The following PABPC4L variants were observed in gnomAD, a reference collection of about 807,000 sequenced individuals.
PABPC4L encodes the protein poly(A) binding protein cytoplasmic 4 like.
For missense variants in PABPC4L, 452 were observed against 451.4 expected, an observed-to-expected ratio of 1.00 and a Z score of -0.01; for synonymous variants, 169 against 164.1, an observed-to-expected ratio of 1.03 and a Z score of -0.23.
the PABPC4L span, among the ~76,000 whole-genome samples, chr4:134,106,700 A>C: frequency 6.6e-6 from 1 of 151,580 alleles, no homozygotes; most frequent in Non-Finnish European, 1.5e-5. Context: ...GAGAAAGTAC[A>C]TTATGGAAGA....
At chr4:134,130,824 A>C in the PABPC4L span, among the ~76,000 whole-genome samples, 1 of 152,164 alleles carries the variant, frequency 6.6e-6, no homozygotes, top group East Asian at 1.9e-4. Flanking sequence ...CCAACAGCAT[A>C]TCAAAAAGAT....
the PABPC4L span, among the ~76,000 whole-genome samples, chr4:134,028,243 A>T: frequency 6.6e-6 from 1 of 152,080 alleles, no homozygotes; most frequent in African/African-American, 2.4e-5. Context: ...TTCTTTCTTA[A>T]TGAAATCTTT....
chr4:134,019,443 T>G, the PABPC4L span, among the ~76,000 whole-genome samples: 1 of 152,300 alleles, frequency 6.6e-6, no homozygotes, highest in South Asian at 2.1e-4. Context: ...AGCAGGAAAC[T>G]GATTTCCATC....
At chr4:134,044,245 T>A in the PABPC4L span, among the ~76,000 whole-genome samples, 1 of 151,972 alleles carries the variant, frequency 6.6e-6, no homozygotes, top group South Asian at 2.1e-4. Context: ...AATGAGAATT[T>A]AATATATTTT....
chr4:134,026,798 G>T, the PABPC4L span, among the ~76,000 whole-genome samples: 1 of 152,170 alleles, frequency 6.6e-6, no homozygotes, highest in Non-Finnish European at 1.5e-5. Flanking sequence ...CAAACATACA[G>T]GGAAATTTTC....
At chr4:134,188,417 G>T in the PABPC4L span, among the ~76,000 whole-genome samples, 179 of 152,124 alleles carry the variant, frequency 1.2e-3, no homozygotes, top group Non-Finnish European at 2.3e-3. Context: ...TCTTTATGTA[G>T]ATGTTAATTA....
chr4:134,001,129 C>G, the PABPC4L span, among the ~76,000 whole-genome samples: 1 of 149,542 alleles, frequency 6.7e-6, no homozygotes, highest in Non-Finnish European at 1.5e-5. Flanking sequence ...TATTCAAACT[C>G]AAGCAATCTC....
chr4:134,107,966 T>C, the PABPC4L span, among the ~76,000 whole-genome samples: 1 of 151,578 alleles, frequency 6.6e-6, no homozygotes, highest in African/African-American at 2.4e-5. Context: ...AGATATGACA[T>C]GGAAATTGAT....
the PABPC4L span, among the ~76,000 whole-genome samples, chr4:134,096,686 ACATTT>A: frequency 6.6e-6 from 1 of 151,976 alleles, no homozygotes; most frequent in Non-Finnish European, 1.5e-5. Context: ...CTTTTGGTAA[ACATTT>A]CAAACATTCT....
At chr4:134,146,625 G>A in the PABPC4L span, among the ~76,000 whole-genome samples, 1 of 152,188 alleles carries the variant, frequency 6.6e-6, no homozygotes, top group Middle Eastern at 3.4e-3. Context: ...CATGGACACT[G>A]AGGAGTGAGT....
the PABPC4L span, among the ~76,000 whole-genome samples, chr4:133,996,013 A>G: frequency 8.5e-5 from 13 of 152,292 alleles, no homozygotes; most frequent in African/African-American, 2.6e-4. Flanking sequence ...TTGATCTTGT[A>G]TTACCAGGCA....
At chr4:133,987,527 A>G in the PABPC4L span, among the ~76,000 whole-genome samples, 1 of 152,190 alleles carries the variant, frequency 6.6e-6, no homozygotes, top group South Asian at 2.1e-4. Context: ...CTCTGAAATG[A>G]ATAAAATATA....
chr4:134,149,272 T>C, the PABPC4L span, among the ~76,000 whole-genome samples: 1 of 152,138 alleles, frequency 6.6e-6, no homozygotes, highest in African/African-American at 2.4e-5. Flanking sequence ...AGAAGACTTT[T>C]TAATTCAAGA....
chr4:134,087,251 T>C, the PABPC4L span, among the ~76,000 whole-genome samples: 1 of 151,984 alleles, frequency 6.6e-6, no homozygotes, highest in Non-Finnish European at 1.5e-5. Context: ...TATGCAGCCA[T>C]AAAAAATGAT....
At chr4:134,190,777 C>A in the PABPC4L span, among the ~76,000 whole-genome samples, 1 of 151,966 alleles carries the variant, frequency 6.6e-6, no homozygotes, top group African/African-American at 2.4e-5. Context: ...TCAGCCTCCC[C>A]AGTAGCTGCA....
At chr4:134,189,574 T>C in the PABPC4L span, among the ~76,000 whole-genome samples, 3 of 152,056 alleles carry the variant, frequency 2.0e-5, no homozygotes, top group African/African-American at 7.2e-5. Flanking sequence ...ATAATGTGTG[T>C]GTGTGTGTAT....
chr4:134,166,191 A>G, the PABPC4L span, among the ~76,000 whole-genome samples: 8 of 152,160 alleles, frequency 5.3e-5, no homozygotes, highest in African/African-American at 1.9e-4. Flanking sequence ...TACACTACTC[A>G]GGTGATGGCT....
chr4:134,124,403 C>T, the PABPC4L span, among the ~76,000 whole-genome samples: 3 of 152,086 alleles, frequency 2.0e-5, no homozygotes, highest in Non-Finnish European at 4.4e-5. Context: ...GCTGGGTCCC[C>T]AAAAGTTTAC....
the PABPC4L span, among the ~76,000 whole-genome samples, chr4:134,071,069 C>A: frequency 6.6e-6 from 1 of 152,166 alleles, no homozygotes; most frequent in African/African-American, 2.4e-5. Flanking sequence ...CTAAGCAGTT[C>A]TCCCTGATAG....
Sources: gnomAD v4.1 joint callset for allele counts (sites outside exome capture counted in the v4.1 genomes callset) on GRCh38, gnomAD v4.1.1 for gene constraint, MANE v1.5 for transcripts, NCBI Gene and HGNC (gene_info 2026-07-23, HGNC 2026-07-21) for gene names.